The following UNC13C variants were observed in gnomAD, a reference collection of about 807,000 sequenced individuals.
The protein encoded by UNC13C is unc-13 homolog C.
Under a neutral mutation model 245.4 loss-of-function variants are expected in UNC13C, and 174 were observed. That is an observed-to-expected ratio of 0.71 (90% CI 0.63 to 0.80). UNC13C has a LOEUF of 0.80. Ranked by LOEUF, UNC13C falls within the 30% of genes least tolerant of loss-of-function variation. The probability of loss-of-function intolerance (pLI) is 0.00; values close to 1 mark genes in which losing one functional copy is unlikely to be tolerated. For synonymous variants in UNC13C, 992 were observed against 895.1 expected, an observed-to-expected ratio of 1.11 and a Z score of -1.93; for missense variants, 2,829 against 2,602.9, an observed-to-expected ratio of 1.09 and a Z score of -1.89.
rs1282856227 is a variant in UNC13C, at chr15:54,482,534, T to C, written c.4934-12074T>C. 3.3e-5 allele frequency among the ~76,000 whole-genome samples: 5 copies of C among 149,702 alleles called. No individual in the cohort carries two copies. The East Asian group carries it at 1.0e-3, about 30-fold the overall frequency. ...CCCACAATGGGAGGTTCCTCCTGAC[T>C]CTGAGCTGATCCTGAGGGGCCAGCT... On this transcript the variant is annotated intron_variant, in intron 19 of 32. Transcript: ENST00000260323.
chr15:54,087,355 C>T (rs1353478810), intron 2 of UNC13C, among the ~76,000 whole-genome samples: 1 of 152,164 alleles, frequency 6.6e-6, no homozygotes, highest in Non-Finnish European at 1.5e-5. Context: ...ACACTACTGG[C>T]ATCAGGGAGC....
chr15:54,169,760 C>T (rs886316606), intron 4 of UNC13C, among the ~76,000 whole-genome samples: 9 of 152,114 alleles, frequency 5.9e-5, no homozygotes, highest in Admixed American at 2.6e-4. Context: ...AACTCCTGTC[C>T]GTACTTTACA....
Position 54,535,619 on chromosome 15 carries a change from T to C in UNC13C, c.5696+2553T>C, listed in dbSNP as rs1266698127. The stretch of plus-strand genomic sequence containing the variant: ...CAGCCACAAAACAATTGTCAATGAA[T>C]TCAAAAAATTTGAAATCATACCAAC... On this transcript the variant is annotated intron_variant, in intron 26 of 32. Coordinates refer to ENST00000260323, the MANE Select transcript of UNC13C (RefSeq NM_001080534.3). Among the ~76,000 whole-genome samples the C allele has an allele frequency of 5.9e-5, 9 of 152,212 alleles. 1 individual carries two copies. Among genetic ancestry groups the C allele is most frequent in the African/African-American group, 2.2e-4 (9 of 41,552 alleles).
In UNC13C at chr15:54,549,147, C is replaced by T. The variant is rs185736478; in HGVS notation, c.5821-488C>T. Among the ~76,000 whole-genome samples, 304 of 152,180 alleles carry T rather than the reference C, an allele frequency of 2.0e-3. 1 individual carries two copies. The highest frequency in any genetic ancestry group is 7.0e-3 in the African/African-American group (292 of 41,540). ...CCAGTGTTTTTCAAATTCATTTCCC[C>T]AGGGCCTTGGGGTTCTAGAGAAAGC... On this transcript the variant is annotated intron_variant, in intron 27 of 32. Coordinates refer to ENST00000260323, the MANE Select transcript of UNC13C (RefSeq NM_001080534.3).
At chr15:53,924,209 A>AAAAAC in the UNC13C span, among the ~76,000 whole-genome samples, 1 of 151,506 alleles carries the variant, frequency 6.6e-6, no homozygotes, top group African/African-American at 2.4e-5. Context: ...TTTATCTCAA[A>AAAAAC]AAAACAAAAC....
intron 19 of UNC13C, among the ~76,000 whole-genome samples, chr15:54,464,985 A>G (rs1049074954): frequency 1.9e-4 from 29 of 152,042 alleles, no homozygotes; most frequent in Non-Finnish European, 5.9e-5. Flanking sequence ...TAACAAATAC[A>G]TACAAATAAT....
chr15:54,076,395 G>A (rs1209809309), intron 2 of UNC13C, among the ~76,000 whole-genome samples: 1 of 151,602 alleles, frequency 6.6e-6, no homozygotes, highest in African/African-American at 2.4e-5. Flanking sequence ...TACTGAGAAT[G>A]ATGGTTTCCA....
intron 1 of UNC13C, among the ~76,000 whole-genome samples, chr15:54,003,192 G>T (rs1894975443): frequency 6.6e-6 from 1 of 151,980 alleles, no homozygotes; most frequent in African/African-American, 2.4e-5. Flanking sequence ...ATCTTATTTT[G>T]TTGGAAAAAA....
chr15:54,616,599 A>AC (rs1252858293), intron 30 of UNC13C, among the ~76,000 whole-genome samples: 1 of 152,100 alleles, frequency 6.6e-6, no homozygotes, highest in South Asian at 2.1e-4. Flanking sequence ...TCTTTAAAAT[A>AC]GAAAAAATTT....
At chr15:54,213,913 T>C (rs1229220786) in intron 4 of UNC13C, among the ~76,000 whole-genome samples, 1 of 151,956 alleles carries the variant, frequency 6.6e-6, no homozygotes, top group African/African-American at 2.4e-5. Context: ...GCCAAAGGCA[T>C]TGAGATCACA....
At chr15:54,132,075 T>TTTTTTTC (rs1567038010) in intron 2 of UNC13C, among the ~76,000 whole-genome samples, 3 of 1,960 alleles carry the variant, frequency 1.5e-3, no homozygotes, top group Non-Finnish European at 3.0e-3. Context: ...TTTCTTTTTC[T>TTTTTTTC]TTTTTTTTTT....
intron 15 of UNC13C, among the ~76,000 whole-genome samples, chr15:54,333,245 A>C (rs2038486698): frequency 6.6e-6 from 1 of 152,090 alleles, no homozygotes; most frequent in Admixed American, 6.6e-5. Flanking sequence ...GATGCTTCTC[A>C]TCAAACCTCG....
rs186946223 is a variant in UNC13C at position 54,239,641 on chromosome 15, A to T, written c.3228+1951A>T. Among the ~76,000 whole-genome samples the T allele has an allele frequency of 1.3e-3, 201 of 152,060 alleles. No individual in the cohort carries two copies. The Middle Eastern group carries it at 0.017, about 13-fold the overall frequency. ...AATATTTCCTTTTTTTTTTAGAGAC[A>T]GGGTCTCACTCTGTTGCCCAGGCTG... On this transcript the variant is annotated intron_variant, in intron 7 of 32. Coordinates refer to ENST00000260323, the MANE Select transcript of UNC13C (RefSeq NM_001080534.3).
chr15:54,200,541 G>T (rs561820357), intron 4 of UNC13C, among the ~76,000 whole-genome samples: 8 of 152,032 alleles, frequency 5.3e-5, no homozygotes, highest in African/African-American at 1.9e-4. Context: ...GTGCAAATAC[G>T]TGGAAATGAA....
At chr15:54,594,494 T>C (rs1367649929) in intron 30 of UNC13C, among the ~76,000 whole-genome samples, 1 of 151,926 alleles carries the variant, frequency 6.6e-6, no homozygotes, top group Non-Finnish European at 1.5e-5. Flanking sequence ...CTTGGGCAGG[T>C]CTTGCTGTGG....
At chr15:53,987,900 ATCTAGGGAGTTTCT>A in intron 1 of UNC13C, among the ~76,000 whole-genome samples, 1 of 152,156 alleles carries the variant, frequency 6.6e-6, no homozygotes, top group Non-Finnish European at 1.5e-5. Context: ...AACATTTGGC[ATCTAGGGAGTTTCT>A]TCTGGGTTAA....
chr15:54,393,261 TGAC>T, intron 18 of UNC13C, 80 bp downstream of exon 18: 2 of 1,219,348 alleles, frequency 1.6e-6, no homozygotes, highest in Non-Finnish European at 2.1e-6. Flanking sequence ...CAACATATAC[TGAC>T]GACAATAATA....
rs1355041490 is a variant in UNC13C at position 54,026,630 on chromosome 15, A to G, written c.2983+10744A>G. Among the ~76,000 whole-genome samples the G allele has an allele frequency of 2.6e-5, 4 of 152,200 alleles. No individual in the cohort carries two copies. The South Asian group carries it at 8.3e-4, about 32-fold the overall frequency. Reference sequence around the variant, plus strand: ...CACATTAAGAAATACTTAATAGTTGATAATTAATATATCATCCCAAGTACT... The same window carrying G: ...CACATTAAGAAATACTTAATAGTTGGTAATTAATATATCATCCCAAGTACT... On this transcript the variant is annotated intron_variant, in intron 2 of 32. Transcript: ENST00000260323.
At chr15:53,982,490 G>A (rs1390657102) in intron 1 of UNC13C, among the ~76,000 whole-genome samples, 1 of 152,056 alleles carries the variant, frequency 6.6e-6, no homozygotes, top group East Asian at 1.9e-4. Context: ...TTTCTGAAAG[G>A]GGGCACTGAT....
Sources: gnomAD v4.1 joint callset for allele counts (sites outside exome capture counted in the v4.1 genomes callset) on GRCh38, gnomAD v4.1.1 for gene constraint, MANE v1.5 for transcripts, NCBI Gene and HGNC (gene_info 2026-07-23, HGNC 2026-07-21) for gene names.